Variants in PTPN13 observed in about 807,000 individuals in gnomAD.
PTPN13 encodes protein tyrosine phosphatase non-receptor type 13, also known as tyrosine-protein phosphatase non-receptor type 13.
A neutral mutation model predicts 284.0 loss-of-function variants in PTPN13; 191 were observed. The observed-to-expected ratio is 0.67, with a 90% CI of 0.60 to 0.76. PTPN13 has a LOEUF of 0.76. PTPN13 is among the 30% of genes least tolerant of loss of function. The pLI is 0.00. For missense variants in PTPN13, 2,797 were observed against 2,939.9 expected, an observed-to-expected ratio of 0.95 and a Z score of 1.12; for synonymous variants, 986 against 1,022.3, an observed-to-expected ratio of 0.96 and a Z score of 0.68.
chr4:86,649,469 A>G (rs963475982), intron 2 of PTPN13, among the ~76,000 whole-genome samples: 4 of 152,146 alleles, frequency 2.6e-5, no homozygotes, highest in African/African-American at 7.2e-5. Context: ...TCCCAGCATC[A>G]TTTATGAAGA....
intron 1 of PTPN13, among the ~76,000 whole-genome samples, chr4:86,601,613 G>C (rs1764298249): frequency 1.3e-5 from 2 of 152,104 alleles, no homozygotes; most frequent in Admixed American, 6.5e-5. Context: ...ATTGAGCTCT[G>C]TTTTTAAGGT....
At chr4:86,803,592 C>A (rs1241685991) in intron 42 of PTPN13, 117 bp from the exon 43 acceptor site, 36 of 1,109,376 alleles carry the variant, frequency 3.2e-5, no homozygotes, top group Non-Finnish European at 3.3e-5. Context: ...GATTCTATCT[C>A]TAAATAAATA....
chr4:86,785,267 C>A lies in PTPN13; in HGVS notation c.6155C>A (p.Ser2052Tyr). The change falls in exon 39 of 48, where the codon TCC becomes TAC. Residue 2052 changes from serine to tyrosine, a missense_variant. Transcript: ENST00000411767. The part of the protein sequence containing the change: ...YIQEDDIYDD[S>Y]QEAEVIQSLL... ...CAAGAAGATGACATTTATGATGATT[C>A]CCAAGAAGCTGAAGTTATCCAGTCT... The A allele has an allele frequency of 1.3e-6, 2 of 1,585,328 alleles. No homozygotes were observed. Among genetic ancestry groups the A allele is most frequent in the South Asian group, 1.1e-5 (1 of 89,214 alleles).
In PTPN13 at chr4:86,769,840, C is replaced by T. The variant is rs1270567418; in HGVS notation, c.4561C>T (p.Leu1521Phe). The T allele has an allele frequency of 6.2e-7, 1 of 1,613,560 alleles. No homozygotes were observed. The highest frequency in any genetic ancestry group is 8.5e-7 in the Non-Finnish European group (1 of 1,179,680). Residue 1521 changes from leucine to phenylalanine, a missense_variant, in exon 29 of 48, where the codon CTT becomes TTT. Physicochemically the swap from Leu to Phe is conservative, Grantham distance 22. Coordinates refer to ENST00000411767, the MANE Select transcript of PTPN13 (RefSeq NM_080683.3). The stretch of plus-strand genomic sequence containing the variant: ...ATTCAGTTTTTCTCGAGAAGATAAT[C>T]TTATACCGGAGCAAATTAATGCCAG... ...LGFSFSREDNLIPEQINASIV... is the reference protein window; with the variant it reads ...LGFSFSREDNFIPEQINASIV...
intron 3 of PTPN13, among the ~76,000 whole-genome samples, chr4:86,683,590 C>G (rs1054553141): frequency 1.3e-5 from 2 of 152,170 alleles, no homozygotes; most frequent in African/African-American, 4.8e-5. Context: ...AACACTTTCA[C>G]AGAAACACCC....
chr4:86,751,034 T>C lies in PTPN13; in HGVS notation c.3076T>C (p.Ser1026Pro). 3 of 1,605,348 alleles carry C rather than the reference T, an allele frequency of 1.9e-6. No individual in the cohort carries two copies. The highest frequency in any genetic ancestry group is 2.6e-6 in the Non-Finnish European group (3 of 1,172,732). Residue 1026 changes from serine to proline, a missense_variant, in exon 19 of 48, where the codon TCT becomes CCT. By Grantham distance (74) the Ser-to-Pro change is moderately conservative. Coordinates refer to ENST00000411767, the MANE Select transcript of PTPN13 (RefSeq NM_080683.3). ...TTCCTTTTCCCTCTTCAGTTCAAAG[T>C]CTGTTGCGAGTTTAAATAGAAGTCC... is the stretch of plus-strand genomic sequence containing the variant. ...AGVTKLNNSK[S>P]VASLNRSPER...
chr4:86,623,817 T>A (rs183673053), intron 1 of PTPN13, among the ~76,000 whole-genome samples: 12 of 152,312 alleles, frequency 7.9e-5, no homozygotes, highest in Middle Eastern at 3.4e-3. Flanking sequence ...GATTGTTATA[T>A]TTTAAATGTC....
At chr4:86,773,636 C>T (rs895868523) in intron 32 of PTPN13, among the ~76,000 whole-genome samples, 7 of 151,434 alleles carry the variant, frequency 4.6e-5, no homozygotes, top group African/African-American at 1.7e-4. Flanking sequence ...AGATTAAAGC[C>T]ACTATAATCT....
intron 10 of PTPN13, among the ~76,000 whole-genome samples, chr4:86,730,312 T>A (rs978254786): frequency 6.7e-6 from 1 of 149,824 alleles, no homozygotes; most frequent in African/African-American, 2.4e-5. Flanking sequence ...TCAAACGCCA[T>A]GCTGGGAGAA....
intron 43 of PTPN13, among the ~76,000 whole-genome samples, chr4:86,805,009 AC>A (rs946640357): frequency 9.2e-5 from 14 of 152,202 alleles, no homozygotes; most frequent in Non-Finnish European, 1.5e-4. Context: ...TAAAATATAA[AC>A]ACTTTTAAAC....
At chr4:86,709,086 CAA>C (rs1554317460) in intron 7 of PTPN13, among the ~76,000 whole-genome samples, 3 of 151,986 alleles carry the variant, frequency 2.0e-5, no homozygotes, top group Admixed American at 6.6e-5. Context: ...CACACACACA[CAA>C]ACACACACTT....
intron 2 of PTPN13, among the ~76,000 whole-genome samples, chr4:86,636,474 G>C (rs1723033921): frequency 6.6e-6 from 1 of 152,134 alleles, no homozygotes; most frequent in Non-Finnish European, 1.5e-5. Context: ...CTCTAAAATT[G>C]ATTTGAATGC....
At chr4:86,672,639 A>G (rs888316707) in intron 3 of PTPN13, 96 bp downstream of exon 3, 7 of 989,772 alleles carry the variant, frequency 7.1e-6, no homozygotes, top group African/African-American at 3.4e-5. Flanking sequence ...TGAAAAATCT[A>G]TTGAGTTTTA....
At chr4:86,666,827 T>TA (rs1727139569) in intron 2 of PTPN13, among the ~76,000 whole-genome samples, 1 of 152,138 alleles carries the variant, frequency 6.6e-6, no homozygotes, top group African/African-American at 2.4e-5. Context: ...ACTTTCCACT[T>TA]GGCTGGCACC....
intron 6 of PTPN13, among the ~76,000 whole-genome samples, chr4:86,694,350 G>T (rs1361349135): frequency 6.6e-6 from 1 of 151,712 alleles, no homozygotes; most frequent in Non-Finnish European, 1.5e-5. Context: ...GGAGGCTGAG[G>T]TGGGCGGATC....
At chr4:86,795,147 A>T (rs1180844595) in intron 40 of PTPN13, among the ~76,000 whole-genome samples, 2 of 152,264 alleles carry the variant, frequency 1.3e-5, no homozygotes, top group Non-Finnish European at 2.9e-5. Context: ...TACCCATCTG[A>T]CAAAGGACTA....
In PTPN13 at chr4:86,689,197, T is replaced by C. The variant is rs1432123635; in HGVS notation, c.546+7T>C. ...TCTGGGAAATCTTTCTGGGGTAAGC[T>C]ACAGTTACAATAGTAAATATAGTCA... On this transcript the variant is annotated splice_region_variant and intron_variant, in intron 5 of 47. Coordinates refer to ENST00000411767, the MANE Select transcript of PTPN13 (RefSeq NM_080683.3). The C allele has an allele frequency of 1.0e-5, 16 of 1,606,116 alleles. No individual in the cohort carries two copies. Among genetic ancestry groups the C allele is most frequent in the Non-Finnish European group, 1.4e-5 (16 of 1,173,190 alleles).
chr4:86,775,554 C>G lies in PTPN13; in HGVS notation c.5793C>G (p.Ile1931Met), dbSNP rs1214159247. The G allele has an allele frequency of 3.1e-6, 5 of 1,613,450 alleles. No homozygotes were observed. The highest frequency in any genetic ancestry group is 1.7e-5 in the Admixed American group (1 of 59,964). The stretch of plus-strand genomic sequence containing the variant: ...GTAATCTCCAGCTATTAGATGTCAT[C>G]CATTATGTGAACGGAGTCAGCACAC... The part of the protein sequence containing the change: ...IEGNLQLLDV[I>M]HYVNGVSTQG... The change falls in exon 35 of 48, where the codon ATC becomes ATG. Residue 1931 changes from isoleucine to methionine, a missense_variant. Ile to Met is a conservative substitution (Grantham distance 10). Coordinates refer to ENST00000411767, the MANE Select transcript of PTPN13 (RefSeq NM_080683.3).
intron 2 of PTPN13, among the ~76,000 whole-genome samples, chr4:86,662,278 G>GCTTTAATAGGGTGATC (rs1247201527): frequency 6.6e-6 from 1 of 152,050 alleles, no homozygotes; most frequent in Non-Finnish European, 1.5e-5. Context: ...TTTTATAGCT[G>GCTTTAATAGGGTGATC]CTTTAATAGG....
Sources: allele counts gnomAD v4.1 joint callset (sites outside exome capture counted in the v4.1 genomes callset), GRCh38; gene constraint gnomAD v4.1.1; transcripts MANE v1.5; gene names NCBI Gene and HGNC (gene_info 2026-07-23, HGNC 2026-07-21).